Variants in SHB observed in about 807,000 individuals in gnomAD.
The protein encoded by SHB is SH2 domain containing adaptor protein B.
SHB carries 20 observed loss-of-function variants against 52.3 expected under a neutral mutation model. That is an observed-to-expected ratio of 0.38 (90% CI 0.27 to 0.56). The LOEUF (loss-of-function observed/expected upper bound fraction) is 0.56. SHB is among the 20% of genes least tolerant of loss of function. The pLI is 0.71. For synonymous variants in SHB, 397 were observed against 316.5 expected (o/e 1.25, Z -2.70); for missense variants, 825 against 723.3 (o/e 1.14, Z -1.61).
intron 2 of SHB, among the ~76,000 whole-genome samples, chr9:38,012,510 G>A (rs911387274): frequency 6.6e-6 from 1 of 152,018 alleles, no homozygotes; most frequent in Non-Finnish European, 1.5e-5. Flanking sequence ...TGTTATCACC[G>A]GCCCCTCATT....
intron 2 of SHB, among the ~76,000 whole-genome samples, chr9:37,998,931 T>C (rs897251521): frequency 6.6e-6 from 1 of 152,220 alleles, no homozygotes; most frequent in Non-Finnish European, 1.5e-5. Flanking sequence ...TGCTAGGCTC[T>C]GGGGAACCCA....
intron 1 of SHB, among the ~76,000 whole-genome samples, chr9:38,035,443 G>A (rs1279068372): frequency 6.6e-6 from 1 of 151,880 alleles, no homozygotes; most frequent in Non-Finnish European, 1.5e-5. Context: ...CTGGGGATAG[G>A]GGAGCCAGTG....
chr9:37,985,609 G>C (rs1455473515), intron 2 of SHB, among the ~76,000 whole-genome samples: 1 of 152,260 alleles, frequency 6.6e-6, no homozygotes, highest in Non-Finnish European at 1.5e-5. Context: ...CTTTAAAGGA[G>C]CCATGTCTAC....
chr9:37,943,617 C>A (rs975518604), intron 5 of SHB, among the ~76,000 whole-genome samples: 2 of 152,184 alleles, frequency 1.3e-5, no homozygotes, highest in Non-Finnish European at 2.9e-5. Flanking sequence ...CTCACCACCT[C>A]AACCAAGCAG....
chr9:38,055,816 G>A (rs1469883243), intron 1 of SHB, among the ~76,000 whole-genome samples: 2 of 151,924 alleles, frequency 1.3e-5, no homozygotes, highest in East Asian at 1.9e-4. Flanking sequence ...CACATGGGCA[G>A]GGCAGACCAC....
At chr9:37,937,537 A>C (rs931050851) in intron 5 of SHB, among the ~76,000 whole-genome samples, 3 of 152,042 alleles carry the variant, frequency 2.0e-5, no homozygotes, top group African/African-American at 4.8e-5. Context: ...GAGGCTGCTC[A>C]CAGGGGAGCT....
At chr9:37,929,643 T>C (rs1238652955) in intron 5 of SHB, among the ~76,000 whole-genome samples, 1 of 152,182 alleles carries the variant, frequency 6.6e-6, no homozygotes, top group African/African-American at 2.4e-5. Flanking sequence ...TCTCCTCCAG[T>C]TGGGCAGCCT....
At chr9:38,064,954 C>G (rs1027909364) in intron 1 of SHB, among the ~76,000 whole-genome samples, 1 of 152,124 alleles carries the variant, frequency 6.6e-6, no homozygotes, top group Non-Finnish European at 1.5e-5. Flanking sequence ...GAGACCTCCT[C>G]TCTACAAATA....
chr9:37,943,242 G>C (rs1222029976), intron 5 of SHB, among the ~76,000 whole-genome samples: 2 of 152,126 alleles, frequency 1.3e-5, no homozygotes, highest in Non-Finnish European at 2.9e-5. Context: ...TCCCCTTCCT[G>C]ATTCCTTCCC....
chr9:37,924,186 C>T (rs1478420952), intron 5 of SHB, among the ~76,000 whole-genome samples: 2 of 152,196 alleles, frequency 1.3e-5, no homozygotes, highest in South Asian at 2.1e-4. Flanking sequence ...CTGTCACAGG[C>T]GTTCAGATCG....
At chr9:37,967,605 G>A (rs531556601) in intron 3 of SHB, among the ~76,000 whole-genome samples, 1 of 152,312 alleles carries the variant, frequency 6.6e-6, no homozygotes, top group Admixed American at 6.5e-5. Flanking sequence ...CTAATACAAA[G>A]CATGTACTCT....
At chr9:38,022,569 A>AC (rs1270027489) in intron 1 of SHB, among the ~76,000 whole-genome samples, 1 of 152,178 alleles carries the variant, frequency 6.6e-6, no homozygotes, top group Non-Finnish European at 1.5e-5. Context: ...CAGCAGCAGC[A>AC]CAAGTGCCTC....
intron 1 of SHB, among the ~76,000 whole-genome samples, chr9:38,035,183 T>G (rs901014629): frequency 2.6e-5 from 4 of 151,930 alleles, no homozygotes; most frequent in African/African-American, 9.7e-5. Flanking sequence ...TTCTGTGGGA[T>G]CAGAGAACAG....
chr9:38,005,438 T>C (rs10973638), intron 2 of SHB, among the ~76,000 whole-genome samples: 78,263 of 151,864 alleles, frequency 0.52, 20,358 homozygotes, highest in African/African-American at 0.59. Context: ...GGAAGAGCAC[T>C]GAACCTGAGG....
At chr9:38,040,202 G>C (rs1420566068) in intron 1 of SHB, among the ~76,000 whole-genome samples, 1 of 152,246 alleles carries the variant, frequency 6.6e-6, no homozygotes, top group Non-Finnish European at 1.5e-5. Context: ...CAGAGAAGCA[G>C]AGGGGGCACA....
chr9:37,930,932 A>G (rs1185714680), intron 5 of SHB, among the ~76,000 whole-genome samples: 2 of 152,238 alleles, frequency 1.3e-5, no homozygotes, highest in Non-Finnish European at 2.9e-5. Flanking sequence ...GACCAGTGAA[A>G]CAGAATAGAG....
At chr9:38,054,558 C>T (rs1203794526) in intron 1 of SHB, among the ~76,000 whole-genome samples, 1 of 152,244 alleles carries the variant, frequency 6.6e-6, no homozygotes, top group African/African-American at 2.4e-5. Flanking sequence ...AAGACCTCCA[C>T]AGTTGTGACA....
chr9:38,004,516 G>A (rs937831969), intron 2 of SHB, among the ~76,000 whole-genome samples: 2 of 152,172 alleles, frequency 1.3e-5, no homozygotes, highest in African/African-American at 4.8e-5. Context: ...TCTGAACTGG[G>A]CAGCAAGAGG....
chr9:37,970,445 G>T (rs1178148651), intron 3 of SHB, among the ~76,000 whole-genome samples: 1 of 152,158 alleles, frequency 6.6e-6, no homozygotes, highest in Non-Finnish European at 1.5e-5. Flanking sequence ...AGATGGGAAG[G>T]AAGGCGCTGA....
Sources: allele counts gnomAD v4.1 joint callset (sites outside exome capture counted in the v4.1 genomes callset), GRCh38; gene constraint gnomAD v4.1.1; transcripts MANE v1.5; gene names NCBI Gene and HGNC (gene_info 2026-07-23, HGNC 2026-07-21).